DRAM1: variants seen among roughly 807,000 people sequenced by gnomAD.
DRAM1 encodes DNA damage regulated autophagy modulator 1, also known as DNA damage-regulated autophagy modulator protein 1.
In DRAM1, 25 loss-of-function variants were observed where a neutral mutation model predicts 28.5. The observed-to-expected ratio is 0.88, with a 90% confidence interval of 0.64 to 1.23. The LOEUF is 1.23. Ranked by LOEUF, DRAM1 falls within the 50% of genes most tolerant of loss-of-function variation. The pLI is 0.00. For missense variants in DRAM1, 249 were observed against 299.2 expected, an observed-to-expected ratio of 0.83 and a Z score of 1.24; for synonymous variants, 113 against 114.2, an observed-to-expected ratio of 0.99 and a Z score of 0.07.
chr12:101,887,056 A>G (rs1424120037), intron 1 of DRAM1, among the ~76,000 whole-genome samples: 4 of 150,760 alleles, frequency 2.7e-5, no homozygotes. Flanking sequence ...GAGGCAGGAG[A>G]GTCACTCGAA....
chr12:101,919,540 A>T (rs1007539282), intron 5 of DRAM1, among the ~76,000 whole-genome samples: 1 of 152,180 alleles, frequency 6.6e-6, no homozygotes, highest in Non-Finnish European at 1.5e-5. Context: ...TACAGTTAAC[A>T]TGTGGATGTC....
chr12:101,888,125 GTAT>G (rs995042075), intron 1 of DRAM1, among the ~76,000 whole-genome samples: 1 of 151,858 alleles, frequency 6.6e-6, no homozygotes, highest in Non-Finnish European at 1.5e-5. Context: ...AGCTAGAAAA[GTAT>G]TATTATTATT....
chr12:101,889,675 T>A (rs7962940), intron 1 of DRAM1, among the ~76,000 whole-genome samples: 1 of 152,128 alleles, frequency 6.6e-6, no homozygotes, highest in South Asian at 2.1e-4. Flanking sequence ...CGTGGTGGCT[T>A]ACGCCTGTAA....
chr12:101,904,535 G>T (rs186780379), intron 3 of DRAM1, among the ~76,000 whole-genome samples: 1 of 137,046 alleles, frequency 7.3e-6, no homozygotes, highest in Admixed American at 8.5e-5. Context: ...TCTGCCTCCC[G>T]AGTTCACGCC....
intron 3 of DRAM1, 149 bp downstream of exon 3, chr12:101,901,582 A>G (rs1298016240): frequency 2.9e-5 from 27 of 931,790 alleles, no homozygotes; most frequent in Non-Finnish European, 4.0e-5. Context: ...CTTTTTAGAA[A>G]CCTTTAACAT....
chr12:101,878,541 A>G (rs1240648385), intron 1 of DRAM1, among the ~76,000 whole-genome samples: 1 of 152,126 alleles, frequency 6.6e-6, no homozygotes, highest in African/African-American at 2.4e-5. Context: ...GGGCACTGTG[A>G]CCCCAAAGTC....
chr12:101,898,078 T>A (rs970834178), intron 2 of DRAM1, 148 bp downstream of exon 2: 8 of 506,434 alleles, frequency 1.6e-5, no homozygotes, highest in Non-Finnish European at 2.0e-5. Context: ...TGGAGTGCAG[T>A]GGCGTGATCA....
chr12:101,911,923 TA>T (rs1312669654), intron 4 of DRAM1, among the ~76,000 whole-genome samples: 1 of 152,054 alleles, frequency 6.6e-6, no homozygotes, highest in Non-Finnish European at 1.5e-5. Context: ...AAAATTAAGT[TA>T]GGGGTCAGGC....
chr12:101,908,459 A>G, intron 4 of DRAM1, 96 bp downstream of exon 4: 2 of 1,276,462 alleles, frequency 1.6e-6, no homozygotes, highest in South Asian at 1.4e-5. Flanking sequence ...GACCGCTGCA[A>G]TGAGTTCTGA....
intron 6 of DRAM1, 91 bp downstream of exon 6, chr12:101,920,292 A>AATTTATTTTTTTT: frequency 6.1e-6 from 2 of 327,284 alleles, no homozygotes; most frequent in Non-Finnish European, 8.5e-6. Flanking sequence ...TAAAAAGAGC[A>AATTTATTTTTTTT]CTTTCTTTTT....
chr12:101,907,515 C>T (rs923446355), intron 3 of DRAM1, among the ~76,000 whole-genome samples: 3 of 151,896 alleles, frequency 2.0e-5, no homozygotes, highest in East Asian at 1.9e-4. Context: ...CCGAGGTGGA[C>T]GGATCACGAG....
intron 1 of DRAM1, among the ~76,000 whole-genome samples, chr12:101,893,846 A>G (rs1279838261): frequency 1.3e-5 from 2 of 148,490 alleles, no homozygotes; most frequent in African/African-American, 5.0e-5. Flanking sequence ...CCACCTGTAT[A>G]GTTTTATTTA....
chr12:101,894,202 C>T (rs1873256165), intron 1 of DRAM1, among the ~76,000 whole-genome samples: 1 of 152,180 alleles, frequency 6.6e-6, no homozygotes, highest in Non-Finnish European at 1.5e-5. Flanking sequence ...ACTGCAACCT[C>T]CACCTCCCAG....
chr12:101,911,745 A>G (rs1435117620), intron 4 of DRAM1, among the ~76,000 whole-genome samples: 1 of 151,580 alleles, frequency 6.6e-6, no homozygotes, highest in Non-Finnish European at 1.5e-5. Context: ...TATCTCAATA[A>G]TTTTTTATAT....
chr12:101,912,186 C>T (rs1209784139), intron 4 of DRAM1, among the ~76,000 whole-genome samples: 2 of 151,960 alleles, frequency 1.3e-5, no homozygotes, highest in Admixed American at 6.6e-5. Context: ...AGTGAAAGAG[C>T]GAGACTCCAT....
chr12:101,919,960 C>T (rs1874414091), intron 5 of DRAM1, 149 bp from the exon 6 acceptor site: 2 of 443,726 alleles, frequency 4.5e-6, no homozygotes, highest in East Asian at 3.5e-5. Flanking sequence ...CACTTAGTAA[C>T]GTGGTTGTGC....
chr12:101,890,285 GC>G (rs1460289606), intron 1 of DRAM1: 1 of 300,830 alleles, frequency 3.3e-6, no homozygotes, highest in Admixed American at 4.7e-5. Context: ...TCACCATGTT[GC>G]CCAGGCTGCT....
Position 101,877,772 on chromosome 12 carries a change from G to T in DRAM1, c.-18G>T. ...GCCCCGCTGGGCGCAGCACTCCGTC[G>T]GCGGCGGCGGCGGCGCGATGCTGTG... On this transcript the variant is annotated 5_prime_UTR_variant, in exon 1 of 7. Coordinates refer to ENST00000258534, the MANE Select transcript of DRAM1 (RefSeq NM_018370.3). This position sits in a 1 kb window ranked among gnomAD's most constrained non-coding sequence, Gnocchi z 4.1. 1 of 1,452,848 alleles carries T rather than the reference G, an allele frequency of 6.9e-7. No individual in the cohort carries two copies. The highest frequency in any genetic ancestry group is 9.1e-7 in the Non-Finnish European group (1 of 1,095,646). The allele number at this position is 1,452,848 out of a possible 1,614,324, so 90.0% of individuals were successfully genotyped here. A position where few individuals can be genotyped will look rare whatever the true frequency, so the allele number is the denominator to read the frequency against.
intron 1 of DRAM1, among the ~76,000 whole-genome samples, chr12:101,893,416 C>A (rs1438609316): frequency 6.6e-6 from 1 of 152,170 alleles, no homozygotes; most frequent in East Asian, 1.9e-4. Context: ...TGCCACAAAC[C>A]AGGCACCCTC....
Sources: gnomAD v4.1 joint callset for allele counts (sites outside exome capture counted in the v4.1 genomes callset) on GRCh38, gnomAD v4.1.1 for gene constraint, Gnocchi (gnomAD v3.1) non-coding constraint, MANE v1.5 for transcripts, NCBI Gene and HGNC (gene_info 2026-07-23, HGNC 2026-07-21) for gene names.